AGTPBP1: variants seen among roughly 807,000 people sequenced by gnomAD.
The protein encoded by AGTPBP1 is ATP/GTP binding carboxypeptidase 1, also known as cytosolic carboxypeptidase 1.
AGTPBP1 carries 70 observed loss-of-function variants against 143.9 expected under a neutral mutation model. The ratio of observed to expected loss-of-function variants is 0.49; its 90% CI spans 0.40 to 0.59. AGTPBP1 has a LOEUF of 0.59. AGTPBP1 is among the 20% of genes least tolerant of loss of function. AGTPBP1 has a pLI of 0.00. For synonymous variants in AGTPBP1, 463 were observed against 500.2 expected (o/e 0.93, Z 0.99); for missense variants, 1,229 against 1,464.5 (o/e 0.84, Z 2.62).
chr9:85,729,263 C>A (rs1467790177), intron 1 of AGTPBP1, among the ~76,000 whole-genome samples: 2 of 152,082 alleles, frequency 1.3e-5, no homozygotes, highest in Non-Finnish European at 2.9e-5. Flanking sequence ...AAGTGCCCAC[C>A]AATAGATGAA....
chr9:85,704,605 T>G lies in AGTPBP1; in HGVS notation c.32+7897A>C, dbSNP rs371569016. ...AACATTAAAAGAAAGACTCAAAAGATTCACACTTTTTTGAAGTAACTTAAC... is the reference window on the plus strand; with the variant it reads ...AACATTAAAAGAAAGACTCAAAAGAGTCACACTTTTTTGAAGTAACTTAAC... On this transcript the variant is annotated intron_variant, in intron 2 of 25. Transcript: ENST00000357081. 1.7e-3 allele frequency among the ~76,000 whole-genome samples: 252 copies of G among 152,258 alleles called. 12 individuals are homozygous for G. The South Asian group carries it at 0.05, about 30-fold the overall frequency.
At chr9:85,688,974 A>G (rs533953287) in intron 3 of AGTPBP1, among the ~76,000 whole-genome samples, 1 of 152,164 alleles carries the variant, frequency 6.6e-6, no homozygotes, top group South Asian at 2.1e-4. Flanking sequence ...ATACAAATAT[A>G]ATGGTTTATT....
intron 21 of AGTPBP1, 62 bp downstream of exon 21, chr9:85,588,236 C>G: frequency 7.6e-7 from 1 of 1,322,408 alleles, no homozygotes; most frequent in East Asian, 2.7e-5. Flanking sequence ...GTTATTTCAA[C>G]AAGTTTATAC....
chr9:85,694,715 C>A lies in AGTPBP1; in HGVS notation c.33-1902G>T, dbSNP rs117213220. Among the ~76,000 whole-genome samples the A allele has an allele frequency of 4.0e-3, 614 of 152,272 alleles. 5 individuals carry two copies. The highest frequency in any genetic ancestry group is 6.9e-3 in the Non-Finnish European group (467 of 68,018). On this transcript the variant is annotated intron_variant, in intron 2 of 25. Transcript: ENST00000357081. The stretch of plus-strand genomic sequence containing the variant: ...TTCTCTTCACTCACTACACTTTTGC[C>A]TTGAGTGATCCCATCTAATCCCACA...
At chr9:85,596,553 T>A in intron 17 of AGTPBP1, 104 bp from the exon 18 acceptor site, 1 of 694,816 alleles carries the variant, frequency 1.4e-6, no homozygotes, top group Non-Finnish European at 2.2e-6. Context: ...AAAGCAGAAG[T>A]AAATTACATT....
intron 11 of AGTPBP1, among the ~76,000 whole-genome samples, chr9:85,648,400 T>C (rs1392227293): frequency 6.6e-6 from 1 of 152,214 alleles, no homozygotes; most frequent in Non-Finnish European, 1.5e-5. Flanking sequence ...ATATTCATAT[T>C]TCACATGGTA....
intron 22 of AGTPBP1, 102 bp downstream of exon 22, chr9:85,586,729 A>C: frequency 7.7e-7 from 1 of 1,290,584 alleles, no homozygotes; most frequent in Non-Finnish European, 1.1e-6. Flanking sequence ...CAACTAACAT[A>C]ATGCATTAAT....
the AGTPBP1 span, among the ~76,000 whole-genome samples, chr9:85,797,459 C>T: frequency 6.6e-6 from 1 of 152,144 alleles, no homozygotes; most frequent in African/African-American, 2.4e-5. Context: ...GTATTTTCCA[C>T]CAGAGTTGTG....
intron 13 of AGTPBP1, among the ~76,000 whole-genome samples, chr9:85,635,435 T>C (rs1587792225): frequency 6.6e-6 from 1 of 152,180 alleles, no homozygotes; most frequent in Admixed American, 6.5e-5. Flanking sequence ...GGTAGTAAGT[T>C]TGCATTAAAA....
chr9:85,709,432 A>AT (rs1837224621), intron 2 of AGTPBP1, among the ~76,000 whole-genome samples: 1 of 152,156 alleles, frequency 6.6e-6, no homozygotes, highest in Non-Finnish European at 1.5e-5. Context: ...CACTGTCACC[A>AT]TTTTTTTAGT....
In AGTPBP1 at chr9:85,712,264, CA is replaced by C. The variant is rs10715280; in HGVS notation, c.32+237del. Among the ~76,000 whole-genome samples, 1,462 of 146,522 alleles carry C rather than the reference CA, an allele frequency of 1.0e-2. 14 individuals are homozygous for C. The highest frequency in any genetic ancestry group is 0.035 in the African/African-American group (1,398 of 40,024). On this transcript the variant is annotated intron_variant, in intron 2 of 25. Transcript: ENST00000357081. ...GGGCAACGAGAGTGAAATTCCGTCT[CA>C]AAAAAAAAAGTAAAAACCATTCTGA... is the stretch of plus-strand genomic sequence containing the variant.
chr9:85,800,730 A>C, the AGTPBP1 span, among the ~76,000 whole-genome samples: 1 of 152,128 alleles, frequency 6.6e-6, no homozygotes, highest in Non-Finnish European at 1.5e-5. Context: ...CAATTCCATA[A>C]TAATTAGAAA....
chr9:85,755,651 C>T, the AGTPBP1 span, among the ~76,000 whole-genome samples: 13 of 152,098 alleles, frequency 8.5e-5, 1 homozygote, highest in South Asian at 1.2e-3. Flanking sequence ...TGTGGATAGA[C>T]GGGTAAAAAC....
At position 85,632,788 on chromosome 9, in the gene AGTPBP1, T is replaced by C; in HGVS notation, c.1889A>G (p.Tyr630Cys). Residue 630 changes from tyrosine (Y) to cysteine (C), a missense_variant, in exon 14 of 26, where the codon TAT becomes TGT. Physicochemically the swap from Tyr to Cys is radical, Grantham distance 194 (BLOSUM62 -2). Around this residue, in one of 2 missense-constraint regions of AGTPBP1, gnomAD observed 743 missense variants for 812.2 expected, o/e 0.91. Coordinates refer to ENST00000357081, the MANE Select transcript of AGTPBP1 (RefSeq NM_001330701.2). ...CTTCGTATTTTTCACAATCTCAATA[T>C]AGAGGTCTGGGTCATGGAGTGTTGG... Reference protein sequence around the residue: ...DGPTLHDPDLYIEIVKNTKSV... With the variant: ...DGPTLHDPDLCIEIVKNTKSV... 6.8e-6 allele frequency: 11 copies of C among 1,614,156 alleles called. No homozygotes were observed. Among genetic ancestry groups the C allele is most frequent in the Non-Finnish European group, 8.5e-6 (10 of 1,180,018 alleles).
the AGTPBP1 span, among the ~76,000 whole-genome samples, chr9:85,800,747 T>C: frequency 6.6e-6 from 1 of 152,098 alleles, no homozygotes; most frequent in Middle Eastern, 3.4e-3. Flanking sequence ...GAAATAAGTA[T>C]GATAATAGAA....
At chr9:85,697,842 G>C (rs1023575288) in intron 2 of AGTPBP1, among the ~76,000 whole-genome samples, 1 of 152,088 alleles carries the variant, frequency 6.6e-6, no homozygotes, top group Non-Finnish European at 1.5e-5. Context: ...ATAGAAAAAG[G>C]TTCTAAAGCC....
chr9:85,676,899 C>T (rs1429339746), intron 6 of AGTPBP1, among the ~76,000 whole-genome samples: 1 of 152,076 alleles, frequency 6.6e-6, no homozygotes, highest in South Asian at 2.1e-4. Context: ...ATGGATGGAA[C>T]TGGAGGACAT....
In AGTPBP1 at chr9:85,573,276, A is replaced by T. The variant is rs561302955; in HGVS notation, c.3503+2039T>A. Among the ~76,000 whole-genome samples the T allele has an allele frequency of 2.6e-5, 4 of 152,138 alleles. No individual in the cohort carries two copies. The East Asian group carries it at 7.8e-4, about 29-fold the overall frequency. On this transcript the variant is annotated intron_variant, in intron 25 of 25. Transcript: ENST00000357081. The stretch of plus-strand genomic sequence containing the variant: ...GCGCCACCACGCCTGACTGGTTTTC[A>T]TATTTTTTTGGTGGAGACGGGGTTT...
chr9:85,694,129 T>C (rs891230465), intron 2 of AGTPBP1, among the ~76,000 whole-genome samples: 1 of 152,194 alleles, frequency 6.6e-6, no homozygotes, highest in Non-Finnish European at 1.5e-5. Context: ...GCTTTTACAA[T>C]GAGTGAGATG....
Sources: gnomAD v4.1 joint callset for allele counts (sites outside exome capture counted in the v4.1 genomes callset) on GRCh38, gnomAD v4.1.1 for gene constraint, gnomAD v4.1.1 regional missense constraint, MANE v1.5 for transcripts, NCBI Gene and HGNC (gene_info 2026-07-23, HGNC 2026-07-21) for gene names.